Variants in RIT2 observed in about 807,000 individuals in gnomAD.
RIT2 encodes Ras like without CAAX 2.
A neutral mutation model predicts 23.7 loss-of-function variants in RIT2; 24 were observed. The ratio of observed to expected loss-of-function variants is 1.01; its 90% CI spans 0.73 to 1.43. RIT2 has a LOEUF of 1.43. Ranked by LOEUF, RIT2 falls within the 40% of genes most tolerant of loss-of-function variation. The probability of loss-of-function intolerance (pLI) is 0.00; values close to 1 mark genes in which losing one functional copy is unlikely to be tolerated. For synonymous variants in RIT2, 107 were observed against 91.1 expected, an observed-to-expected ratio of 1.17 and a Z score of -0.99; for missense variants, 236 against 266.9, an observed-to-expected ratio of 0.88 and a Z score of 0.81.
At chr18:42,781,289 T>C (rs1237387069) in intron 4 of RIT2, among the ~76,000 whole-genome samples, 1 of 152,204 alleles carries the variant, frequency 6.6e-6, no homozygotes, top group African/African-American at 2.4e-5. Flanking sequence ...TCTGTCTTCC[T>C]CTTTCATACT....
At chr18:43,053,567 A>AT (rs1912433261) in intron 1 of RIT2, among the ~76,000 whole-genome samples, 1 of 152,062 alleles carries the variant, frequency 6.6e-6, no homozygotes, top group South Asian at 2.1e-4. Context: ...TATCTTCATC[A>AT]TTTTATTATG....
intron 3 of RIT2, among the ~76,000 whole-genome samples, chr18:42,924,252 T>C (rs1047679928): frequency 6.6e-6 from 1 of 152,154 alleles, no homozygotes; most frequent in African/African-American, 2.4e-5. Flanking sequence ...CAAATTTTTC[T>C]ACTCAAAAAT....
At chr18:42,833,338 C>A (rs761011207) in intron 4 of RIT2, among the ~76,000 whole-genome samples, 1 of 152,102 alleles carries the variant, frequency 6.6e-6, no homozygotes, top group African/African-American at 2.4e-5. Context: ...ATGGCTAAAT[C>A]GTATTCCATT....
intron 1 of RIT2, among the ~76,000 whole-genome samples, chr18:43,047,866 T>C (rs1352359867): frequency 6.6e-6 from 1 of 152,096 alleles, no homozygotes. Flanking sequence ...ATAAATTACA[T>C]TACACAAAAA....
rs533562282 is a variant in RIT2 at position 42,857,022 on chromosome 18, G to A, written c.426+66550C>T. Among the ~76,000 whole-genome samples, 30 of 151,932 alleles carry A rather than the reference G, an allele frequency of 2.0e-4. No individual in the cohort carries two copies. In the East Asian group the frequency reaches 5.6e-3, roughly 29 times the overall value. On this transcript the variant is annotated intron_variant, in intron 4 of 4. Transcript: ENST00000326695. ...TTTTTGTATTTTTAGTAGAGACGGG[G>A]TTTCACCATGTTAGCCAGGATGGTC...
chr18:43,059,610 A>T (rs1912594942), intron 1 of RIT2, among the ~76,000 whole-genome samples: 1 of 152,128 alleles, frequency 6.6e-6, no homozygotes, highest in African/African-American at 2.4e-5. Context: ...CAGCACTTTT[A>T]ACTGATGGAC....
At chr18:42,893,225 CAAAA>C (rs57140473) in intron 4 of RIT2, among the ~76,000 whole-genome samples, 16 of 112,254 alleles carry the variant, frequency 1.4e-4, no homozygotes, top group Admixed American at 2.7e-4. Context: ...GACTCCGTCT[CAAAA>C]AAAAAAAAAA....
intron 2 of RIT2, among the ~76,000 whole-genome samples, chr18:42,977,123 A>T (rs1910493853): frequency 6.6e-6 from 1 of 152,048 alleles, no homozygotes; most frequent in African/African-American, 2.4e-5. Context: ...GAAGACAATA[A>T]AGAAACAGTT....
chr18:42,759,214 A>C (rs565050128), intron 4 of RIT2, among the ~76,000 whole-genome samples: 1 of 152,214 alleles, frequency 6.6e-6, no homozygotes, highest in South Asian at 2.1e-4. Flanking sequence ...TCTCTTCCAC[A>C]TCTCTGTTAA....
At chr18:43,065,093 C>T (rs944415091) in intron 1 of RIT2, among the ~76,000 whole-genome samples, 1 of 151,990 alleles carries the variant, frequency 6.6e-6, no homozygotes, top group Non-Finnish European at 1.5e-5. Context: ...GCTGGGATTA[C>T]AGGGGTGAGC....
intron 3 of RIT2, among the ~76,000 whole-genome samples, chr18:42,932,892 T>C (rs1190395952): frequency 6.6e-6 from 1 of 152,108 alleles, no homozygotes; most frequent in Non-Finnish European, 1.5e-5. Context: ...CCAGCCTTTA[T>C]TGAGAATAAT....
chr18:42,869,566 T>A (rs1944414), intron 4 of RIT2, among the ~76,000 whole-genome samples: 2,230 of 152,330 alleles, frequency 0.015, 68 homozygotes, highest in African/African-American at 0.051. Flanking sequence ...TCGTCATACA[T>A]TTTTTATTAT....
intron 4 of RIT2, among the ~76,000 whole-genome samples, chr18:42,918,555 G>A (rs754578383): frequency 2.6e-5 from 4 of 151,950 alleles, no homozygotes; most frequent in Non-Finnish European, 5.9e-5. Flanking sequence ...CCAATGCACT[G>A]ATGATGAAAG....
At chr18:42,813,749 A>G (rs978318604) in intron 4 of RIT2, among the ~76,000 whole-genome samples, 6 of 152,198 alleles carry the variant, frequency 3.9e-5, no homozygotes, top group African/African-American at 1.4e-4. Flanking sequence ...ACTCAGGCGG[A>G]CAGAGCAGCA....
At chr18:43,094,611 TA>T (rs1913507295) in intron 1 of RIT2, among the ~76,000 whole-genome samples, 2 of 151,986 alleles carry the variant, frequency 1.3e-5, no homozygotes, top group African/African-American at 4.8e-5. Flanking sequence ...CAAAATTAAT[TA>T]ATAGAATGAA....
chr18:42,956,015 C>T (rs1030778080), intron 3 of RIT2, among the ~76,000 whole-genome samples: 3 of 152,122 alleles, frequency 2.0e-5, no homozygotes, highest in Admixed American at 6.6e-5. Context: ...TTTATCACCT[C>T]GGGGTGCTTA....
At chr18:42,960,677 C>T (rs950549964) in intron 3 of RIT2, among the ~76,000 whole-genome samples, 1 of 152,120 alleles carries the variant, frequency 6.6e-6, no homozygotes, top group Non-Finnish European at 1.5e-5. Context: ...TTGAAGTCAA[C>T]AATATTTATA....
chr18:42,800,421 T>C (rs547791220), intron 4 of RIT2, among the ~76,000 whole-genome samples: 39 of 152,320 alleles, frequency 2.6e-4, no homozygotes, highest in Non-Finnish European at 1.6e-4. Context: ...ATTATACACA[T>C]TGATTTGAAC....
chr18:43,107,428 C>T (rs556550235), intron 1 of RIT2, among the ~76,000 whole-genome samples: 19 of 152,210 alleles, frequency 1.2e-4, no homozygotes, highest in South Asian at 6.2e-4. Flanking sequence ...TGCACGCGTG[C>T]GTGCACGCAT....
Sources: allele counts gnomAD v4.1 joint callset (sites outside exome capture counted in the v4.1 genomes callset), GRCh38; gene constraint gnomAD v4.1.1; transcripts MANE v1.5; gene names NCBI Gene and HGNC (gene_info 2026-07-23, HGNC 2026-07-21).